The following SLC44A2 variants were observed in gnomAD, a reference collection of about 807,000 sequenced individuals.
SLC44A2 encodes solute carrier family 44 member 2 (CTL2 blood group), also known as choline transporter-like protein 2.
A neutral mutation model predicts 90.8 loss-of-function variants in SLC44A2; 57 were observed. The ratio of observed to expected loss-of-function variants is 0.63; its 90% CI spans 0.51 to 0.78. The LOEUF is 0.78. SLC44A2 is among the 30% of genes least tolerant of loss of function. The pLI is 0.00. For missense variants in SLC44A2, 794 were observed against 919.7 expected (o/e 0.86, Z 1.77); for synonymous variants, 355 against 360.7 (o/e 0.98, Z 0.18).
chr19:10,636,847 G>A, intron 16 of SLC44A2, 91 bp downstream of exon 16: 1 of 1,335,882 alleles, frequency 7.5e-7, no homozygotes, highest in South Asian at 1.4e-5. Flanking sequence ...GGTGGGCGGG[G>A]CCAAGATAAT....
At chr19:10,604,117 G>A (rs1233077584) in intron 1 of SLC44A2, among the ~76,000 whole-genome samples, 2 of 152,194 alleles carry the variant, frequency 1.3e-5, no homozygotes, top group African/African-American at 2.4e-5. Context: ...AAACCCAGCA[G>A]TGAATAGACC....
chr19:10,604,080 C>T (rs1918034524), intron 1 of SLC44A2, among the ~76,000 whole-genome samples: 2 of 152,088 alleles, frequency 1.3e-5, no homozygotes, highest in East Asian at 1.9e-4. Context: ...TTATTGAGCA[C>T]GATTTAGGCA....
chr19:10,609,248 GC>G (rs1918211621), intron 1 of SLC44A2, among the ~76,000 whole-genome samples: 2 of 151,830 alleles, frequency 1.3e-5, no homozygotes, highest in Non-Finnish European at 2.9e-5. Flanking sequence ...GAGCAACCAT[GC>G]CCGGCCCAGC....
chr19:10,631,335 G>A lies in SLC44A2; in HGVS notation c.391G>A (p.Asp131Asn), dbSNP rs757605844. 2 of 1,614,138 alleles carry A rather than the reference G, an allele frequency of 1.2e-6. No individual in the cohort carries two copies. Among genetic ancestry groups the A allele is most frequent in the Non-Finnish European group, 1.7e-6 (2 of 1,180,040 alleles). Residue 131 changes from aspartate to asparagine, a missense_variant, in exon 6 of 22, where the codon GAC becomes AAC. Physicochemically the swap from Asp to Asn is conservative, Grantham distance 23. Coordinates refer to ENST00000335757, the MANE Select transcript of SLC44A2 (RefSeq NM_020428.4). ...LTYLNARSSR[D>N]FEYYKQFCVP... The stretch of plus-strand genomic sequence containing the variant: ...GTACCTGAATGCTCGCAGCTCCCGG[G>A]ACTTTGAGTACTATAAGCAGTTCTG...
chr19:10,636,812 G>A, intron 16 of SLC44A2, 56 bp downstream of exon 16: 1 of 1,541,892 alleles, frequency 6.5e-7, no homozygotes, highest in East Asian at 2.4e-5. Flanking sequence ...GCTGAATAGC[G>A]AACCAGGATT....
chr19:10,619,941 C>A (rs1253677903), intron 1 of SLC44A2, among the ~76,000 whole-genome samples: 1 of 151,692 alleles, frequency 6.6e-6, no homozygotes, highest in Admixed American at 6.6e-5. Context: ...GGTGACAGAG[C>A]GAGACTCCGT....
At chr19:10,637,480 T>G in intron 16 of SLC44A2, 164 bp from the exon 17 acceptor site, 1 of 635,160 alleles carries the variant, frequency 1.6e-6, no homozygotes, top group Non-Finnish European at 2.8e-6. Flanking sequence ...GGCACCATCA[T>G]AGCTCACTGC....
At chr19:10,631,201 T>C in intron 5 of SLC44A2, 60 bp downstream of exon 5, 2 of 1,604,940 alleles carry the variant, frequency 1.2e-6, no homozygotes, top group Non-Finnish European at 1.7e-6. Flanking sequence ...TTTCCCCCTG[T>C]GAATGTGGGC....
chr19:10,603,113 G>A (rs769093331), intron 1 of SLC44A2, among the ~76,000 whole-genome samples: 2 of 152,124 alleles, frequency 1.3e-5, no homozygotes, highest in Non-Finnish European at 2.9e-5. Context: ...CAGGAAGGAA[G>A]CAGGAAAAAA....
chr19:10,626,307 A>T lies in SLC44A2; in HGVS notation c.86+6A>T. On this transcript the variant is annotated splice_donor_region_variant and intron_variant, in intron 2 of 21. Coordinates refer to ENST00000335757, the MANE Select transcript of SLC44A2 (RefSeq NM_020428.4). Reference sequence around the variant, plus strand: ...AAAGGACCCATTTACAATAGGTAAGAGCTCTGGGTTTTGGGGGGTTCTCCC... The same window carrying T: ...AAAGGACCCATTTACAATAGGTAAGTGCTCTGGGTTTTGGGGGGTTCTCCC... The T allele has an allele frequency of 1.2e-6, 2 of 1,608,676 alleles. No individual in the cohort carries two copies. The highest frequency in any genetic ancestry group is 1.1e-5 in the South Asian group (1 of 90,976).
upstream of SLC44A2, among the ~76,000 whole-genome samples, chr19:10,622,902 A>G (rs188949679): frequency 4.5e-4 from 69 of 152,280 alleles, no homozygotes; most frequent in African/African-American, 1.5e-3. Flanking sequence ...ACCCTGTCTC[A>G]AAAACAAAAA....
At chr19:10,606,865 A>ATATGTATGTATG (rs35957648) in intron 1 of SLC44A2, among the ~76,000 whole-genome samples, 1 of 143,692 alleles carries the variant, frequency 7.0e-6, no homozygotes, top group African/African-American at 2.6e-5. Flanking sequence ...ATACACATAT[A>ATATGTATGTATG]TATGTATGTA....
At chr19:10,616,143 A>G (rs1197584008) in intron 1 of SLC44A2, among the ~76,000 whole-genome samples, 3 of 120,256 alleles carry the variant, frequency 2.5e-5, no homozygotes, top group South Asian at 2.7e-4. Context: ...GTCTCCAAAG[A>G]AAAAAAAAAA....
chr19:10,615,599 T>C (rs2144817845), intron 1 of SLC44A2, among the ~76,000 whole-genome samples: 1 of 149,468 alleles, frequency 6.7e-6, no homozygotes, highest in South Asian at 2.1e-4. Context: ...GGTCTTCACA[T>C]TGAGTGAGCT....
chr19:10,615,039 G>GTT (rs909040686), intron 1 of SLC44A2, among the ~76,000 whole-genome samples: 4 of 137,692 alleles, frequency 2.9e-5, no homozygotes, highest in Admixed American at 7.4e-5. Flanking sequence ...AAGTAATTGC[G>GTT]TTTTTTTTTT....
rs2067035446 is a variant in SLC44A2, at chr19:10,634,814, C to T, written c.882C>T (p.Val294=). The T allele has an allele frequency of 6.2e-7, 1 of 1,614,044 alleles. No homozygotes were observed. The highest frequency in any genetic ancestry group is 1.7e-5 in the Admixed American group (1 of 59,982). The change falls in exon 11 of 22, where the codon GTC becomes GTT. Residue 294 remains valine (V), a synonymous_variant. Coordinates refer to ENST00000335757, the MANE Select transcript of SLC44A2 (RefSeq NM_020428.4). ...SRLRGEAGSD[V]SLVDLGFQTD... is the part of the protein sequence containing the mutation. ...TGCGTGGTGAGGCCGGCTCTGATGT[C>T]TCTTTGGTGGACCTCGGCTTTCAGA...
At chr19:10,626,703 TGA>T (rs1390596023) in intron 2 of SLC44A2, among the ~76,000 whole-genome samples, 1 of 151,822 alleles carries the variant, frequency 6.6e-6, no homozygotes, top group Non-Finnish European at 1.5e-5. Flanking sequence ...ATTACAGGTG[TGA>T]GTTACCACAC....
At chr19:10,643,214 C>T in intron 21 of SLC44A2, 65 bp from the exon 22 acceptor site, 1 of 1,548,988 alleles carries the variant, frequency 6.5e-7, no homozygotes, top group Non-Finnish European at 8.7e-7. Flanking sequence ...TCCACCTACC[C>T]TGTCCTTGAG....
intron 4 of SLC44A2, among the ~76,000 whole-genome samples, chr19:10,630,343 T>G (rs1264096263): frequency 1.3e-5 from 2 of 150,478 alleles, no homozygotes; most frequent in African/African-American, 4.9e-5. Flanking sequence ...AGAGAAAGAC[T>G]CTTGTCTCAA....
Sources: allele counts gnomAD v4.1 joint callset (sites outside exome capture counted in the v4.1 genomes callset), GRCh38; gene constraint gnomAD v4.1.1; transcripts MANE v1.5; gene names NCBI Gene and HGNC (gene_info 2026-07-23, HGNC 2026-07-21).